The following NRG3 variants were observed in gnomAD, a reference collection of about 807,000 sequenced individuals.
The protein encoded by NRG3 is pro-neuregulin-3, membrane-bound isoform.
In NRG3, 31 loss-of-function variants were observed where a neutral mutation model predicts 66.9. The ratio of observed to expected loss-of-function variants is 0.46; its 90% CI spans 0.35 to 0.63. NRG3 has a LOEUF of 0.63. Among genes scored for constraint, NRG3 ranks in the 20% least tolerant of loss-of-function variants. NRG3 has a pLI of 0.00. For missense variants in NRG3, 910 were observed against 878.9 expected (o/e 1.04, Z -0.45); for synonymous variants, 393 against 359.4 (o/e 1.09, Z -1.06).
intron 1 of NRG3, among the ~76,000 whole-genome samples, chr10:82,254,175 A>T (rs1347163348): frequency 6.6e-6 from 1 of 152,218 alleles, no homozygotes; most frequent in African/African-American, 2.4e-5. Context: ...TCTATCTTGG[A>T]AATCAGATTG....
intron 1 of NRG3, among the ~76,000 whole-genome samples, chr10:82,287,236 C>T (rs2079469325): frequency 6.6e-6 from 1 of 151,954 alleles, no homozygotes; most frequent in African/African-American, 2.4e-5. Flanking sequence ...AGTAAGTTCT[C>T]ATGGGATCTG....
intron 2 of NRG3, among the ~76,000 whole-genome samples, chr10:82,546,361 G>A (rs2043915060): frequency 6.6e-6 from 1 of 151,470 alleles, no homozygotes; most frequent in Admixed American, 6.6e-5. Context: ...TACCGAGATA[G>A]TTTTTTTTTA....
chr10:82,528,071 A>G (rs981709455), intron 2 of NRG3, among the ~76,000 whole-genome samples: 4 of 152,266 alleles, frequency 2.6e-5, no homozygotes, highest in Admixed American at 2.6e-4. Context: ...TGTGACAACA[A>G]TAATATCTCA....
At chr10:82,200,176 C>A (rs999413731) in intron 1 of NRG3, among the ~76,000 whole-genome samples, 4 of 152,098 alleles carry the variant, frequency 2.6e-5, no homozygotes, top group Admixed American at 1.3e-4. Flanking sequence ...AATGTGCATT[C>A]TTAGCATTGT....
chr10:81,931,584 C>T (rs1004536839), intron 1 of NRG3, among the ~76,000 whole-genome samples: 63 of 152,258 alleles, frequency 4.1e-4, no homozygotes, highest in African/African-American at 1.3e-3. Flanking sequence ...CTTCCAGGGG[C>T]TCTTCATTTT....
At chr10:82,635,743 C>A (rs1381602084) in intron 2 of NRG3, among the ~76,000 whole-genome samples, 4 of 152,090 alleles carry the variant, frequency 2.6e-5, no homozygotes, top group Non-Finnish European at 4.4e-5. Context: ...TCTCCTTTCC[C>A]TTTTCTTCTC....
chr10:82,916,535 A>T (rs1425335771), intron 4 of NRG3, among the ~76,000 whole-genome samples: 1 of 152,192 alleles, frequency 6.6e-6, no homozygotes, highest in Non-Finnish European at 1.5e-5. Context: ...ATATAATGTT[A>T]GTCACCTTTG....
intron 3 of NRG3, among the ~76,000 whole-genome samples, chr10:82,823,869 AT>A (rs1002207964): frequency 6.6e-6 from 1 of 152,118 alleles, no homozygotes; most frequent in Admixed American, 6.5e-5. Context: ...AAATACATCC[AT>A]TTAAAGTATA....
At chr10:82,693,385 T>G (rs537126970) in intron 2 of NRG3, among the ~76,000 whole-genome samples, 78 of 152,298 alleles carry the variant, frequency 5.1e-4, no homozygotes, top group African/African-American at 1.8e-3. Context: ...CATTAGGTAT[T>G]GCCTGTTTTC....
chr10:81,876,147 C>G lies in NRG3; in HGVS notation c.807C>G (p.Ser269Arg). 6.3e-7 allele frequency: 1 copy of G among 1,591,582 alleles called. No individual in the cohort carries two copies. Among genetic ancestry groups the G allele is most frequent in the Non-Finnish European group, 8.6e-7 (1 of 1,168,784 alleles). ...CTACCACCACCACACCAGAAACTAG[C>G]ACCAGCCCCAAATTTCGTAAGTAAA... ...SSATTTTPETSTSPKFHTTTY... is the reference protein window; with the variant it reads ...SSATTTTPETRTSPKFHTTTY... The change falls in exon 1 of 9, where the codon AGC (serine) becomes AGG (arginine). Residue 269 changes from serine to arginine, a missense_variant. Transcript: ENST00000372141.
At chr10:82,701,634 C>G (rs1207607823) in intron 2 of NRG3, among the ~76,000 whole-genome samples, 1 of 152,144 alleles carries the variant, frequency 6.6e-6, no homozygotes, top group East Asian at 1.9e-4. Context: ...ACACAAGGAA[C>G]ATAAAGCAAT....
At chr10:82,106,190 G>A (rs1379447819) in intron 1 of NRG3, among the ~76,000 whole-genome samples, 2 of 151,718 alleles carry the variant, frequency 1.3e-5, no homozygotes, top group Non-Finnish European at 2.9e-5. Flanking sequence ...GACCTTTGGT[G>A]ACAATTGAAA....
At chr10:81,985,543 TG>T (rs1256691369) in intron 1 of NRG3, among the ~76,000 whole-genome samples, 1 of 152,220 alleles carries the variant, frequency 6.6e-6, no homozygotes, top group East Asian at 1.9e-4. Flanking sequence ...CTCTCCTTAT[TG>T]TAAGAACTCC....
chr10:82,400,570 CTTTTTT>C (rs59452570), intron 2 of NRG3, among the ~76,000 whole-genome samples: 1 of 139,890 alleles, frequency 7.1e-6, no homozygotes, highest in African/African-American at 2.7e-5. Context: ...GAGGCAGATT[CTTTTTT>C]TTTTTTTTTG....
At chr10:81,992,021 T>G (rs2060762340) in intron 1 of NRG3, among the ~76,000 whole-genome samples, 1 of 152,084 alleles carries the variant, frequency 6.6e-6, no homozygotes, top group Non-Finnish European at 1.5e-5. Context: ...ATTCTCTTAT[T>G]AGAAACATAC....
At chr10:82,663,246 A>G (rs1453516265) in intron 2 of NRG3, among the ~76,000 whole-genome samples, 2 of 152,222 alleles carry the variant, frequency 1.3e-5, no homozygotes, top group East Asian at 1.9e-4. Context: ...CTGTTATGGC[A>G]TGGACCACAG....
chr10:82,246,400 A>C (rs1430164247), intron 1 of NRG3, among the ~76,000 whole-genome samples: 1 of 152,186 alleles, frequency 6.6e-6, no homozygotes, highest in Non-Finnish European at 1.5e-5. Flanking sequence ...AATTTTCTCC[A>C]GGAAGCACTC....
chr10:82,300,787 G>C (rs2080355607), intron 1 of NRG3, among the ~76,000 whole-genome samples: 2 of 152,020 alleles, frequency 1.3e-5, no homozygotes, highest in South Asian at 4.2e-4. Flanking sequence ...CCCATTGGAA[G>C]GGTGGCAGAT....
At chr10:82,607,689 A>G (rs2048051173) in intron 2 of NRG3, among the ~76,000 whole-genome samples, 1 of 151,518 alleles carries the variant, frequency 6.6e-6, no homozygotes, top group Admixed American at 6.6e-5. Context: ...GTTTTAACTG[A>G]GCTCATAATA....
Sources: gnomAD v4.1 joint callset for allele counts (sites outside exome capture counted in the v4.1 genomes callset) on GRCh38, gnomAD v4.1.1 for gene constraint, MANE v1.5 for transcripts, NCBI Gene and HGNC (gene_info 2026-07-23, HGNC 2026-07-21) for gene names.